Variants in NSRP1 observed in about 807,000 individuals in gnomAD.
NSRP1 encodes nuclear speckle splicing regulatory protein 1, also known as coiled-coil domain containing 55.
In NSRP1, 24 loss-of-function variants were observed where a neutral mutation model predicts 54.7. The ratio of observed to expected loss-of-function variants is 0.44; its 90% CI spans 0.32 to 0.62. The LOEUF (loss-of-function observed/expected upper bound fraction) is 0.62, where lower values mean the gene tolerates loss of function less well. Among genes scored for constraint, NSRP1 ranks in the 20% least tolerant of loss-of-function variants. The pLI is 0.06. For missense variants in NSRP1, 596 were observed against 651.2 expected, an observed-to-expected ratio of 0.92 and a Z score of 0.92; for synonymous variants, 210 against 213.8, an observed-to-expected ratio of 0.98 and a Z score of 0.15.
chr17:30,139,269 TC>T (rs2071781551), intron 2 of NSRP1, among the ~76,000 whole-genome samples: 3 of 152,128 alleles, frequency 2.0e-5, no homozygotes, highest in Admixed American at 2.0e-4. Context: ...TTGTAGGAGT[TC>T]TTTTTTCAGT....
At chr17:30,169,160 T>C (rs1240216495) in intron 2 of NSRP1, among the ~76,000 whole-genome samples, 1 of 152,100 alleles carries the variant, frequency 6.6e-6, no homozygotes, top group South Asian at 2.1e-4. Context: ...TTTCTCAGTC[T>C]GCTTATTCTA....
At chr17:30,117,424 C>A in intron 1 of NSRP1, 1 of 437,826 alleles carries the variant, frequency 2.3e-6, no homozygotes. Context: ...GTAATCCTTA[C>A]TTTTGATGCG....
intron 3 of NSRP1, among the ~76,000 whole-genome samples, chr17:30,177,374 T>TA (rs1168145196): frequency 8.7e-6 from 1 of 114,358 alleles, no homozygotes. Context: ...CCCCATCGCT[T>TA]TAAAAAAAAA....
rs533423877 is a variant in NSRP1 at position 30,182,602 on chromosome 17, A to T, written c.617+1586A>T. 2.0e-5 allele frequency among the ~76,000 whole-genome samples: 3 copies of T among 152,104 alleles called. No individual in the cohort carries two copies. In the East Asian group the frequency reaches 5.8e-4, roughly 29 times the overall value. On this transcript the variant is annotated intron_variant, in intron 6 of 6. Coordinates refer to ENST00000247026, the MANE Select transcript of NSRP1 (RefSeq NM_032141.4). ...GATTGCAGTGAGCTGAGATAGCGCC[A>T]CTGCACTCCAACCTGGCGACAGAGC...
At position 30,175,493 on chromosome 17, in the gene NSRP1, G is replaced by T. The variant is rs193289776; in HGVS notation, c.172-2578G>T. On this transcript the variant is annotated intron_variant, in intron 3 of 6. Transcript: ENST00000247026. ...TCTGTACCTAGGCTGGAGTGCAGCGGCACGATCTCAGCTCACTGCAACCTC... is the reference window on the plus strand; with the variant it reads ...TCTGTACCTAGGCTGGAGTGCAGCGTCACGATCTCAGCTCACTGCAACCTC... 1.0e-3 allele frequency among the ~76,000 whole-genome samples: 152 copies of T among 152,014 alleles called. 2 individuals carry two copies. In the Middle Eastern group the frequency reaches 0.01, roughly 10 times the overall value.
chr17:30,117,285 C>A, intron 1 of NSRP1: 1 of 586,508 alleles, frequency 1.7e-6, no homozygotes, highest in South Asian at 2.1e-5. Context: ...GATTCCCGCC[C>A]TTCCTTCTCG....
chr17:30,179,065 T>C, intron 4 of NSRP1, 25 bp from the exon 5 acceptor site: 1 of 1,376,270 alleles, frequency 7.3e-7, no homozygotes, highest in Non-Finnish European at 9.6e-7. Context: ...TTTACTCTTT[T>C]CCTAAATCTT....
chr17:30,184,563 C>T, intron 6 of NSRP1, 52 bp from the exon 7 acceptor site: 2 of 1,510,392 alleles, frequency 1.3e-6, no homozygotes, highest in Non-Finnish European at 1.8e-6. Context: ...TTGCTTATTA[C>T]AACTGATAAT....
chr17:30,153,888 C>G (rs2071936612), intron 2 of NSRP1, among the ~76,000 whole-genome samples: 1 of 152,144 alleles, frequency 6.6e-6, no homozygotes, highest in Non-Finnish European at 1.5e-5. Context: ...TGTTCTATAG[C>G]CACGTGTGAC....
At chr17:30,174,421 A>G (rs1396003589) in intron 3 of NSRP1, among the ~76,000 whole-genome samples, 1 of 152,200 alleles carries the variant, frequency 6.6e-6, no homozygotes, top group African/African-American at 2.4e-5. Flanking sequence ...TTTTCATTTT[A>G]CTATGAAGAA....
At chr17:30,178,543 C>T (rs1018557523) in intron 4 of NSRP1, among the ~76,000 whole-genome samples, 4 of 151,918 alleles carry the variant, frequency 2.6e-5, no homozygotes, top group African/African-American at 9.7e-5. Context: ...TCATTTCTTC[C>T]TAGCTGGTAA....
chr17:30,157,381 A>G (rs1904346969), intron 2 of NSRP1, among the ~76,000 whole-genome samples: 1 of 152,176 alleles, frequency 6.6e-6, no homozygotes, highest in Admixed American at 6.5e-5. Context: ...ACATGCAAAG[A>G]ATATGTAATG....
intron 1 of NSRP1, 26 bp downstream of exon 1, chr17:30,116,889 G>A (rs1288809968): frequency 1.9e-6 from 3 of 1,566,624 alleles, no homozygotes; most frequent in Admixed American, 1.9e-5. Context: ...GTTAGGGTCA[G>A]GCTGGGGGAT....
chr17:30,125,762 G>T (rs1158983799), intron 2 of NSRP1: 1 of 152,128 alleles, frequency 6.6e-6, no homozygotes, highest in African/African-American at 2.4e-5. Flanking sequence ...TGGCCAGGCT[G>T]GTCTTGAACT....
chr17:30,142,863 C>G (rs906670920), intron 2 of NSRP1, among the ~76,000 whole-genome samples: 3 of 152,260 alleles, frequency 2.0e-5, no homozygotes, highest in Middle Eastern at 6.8e-3. Context: ...TGGCCATTCA[C>G]TACGTACCAT....
At chr17:30,135,626 A>C (rs1331747022) in intron 2 of NSRP1, among the ~76,000 whole-genome samples, 1 of 151,672 alleles carries the variant, frequency 6.6e-6, no homozygotes, top group African/African-American at 2.4e-5. Context: ...GGCGCCCGCC[A>C]CCACGCCCAG....
intron 2 of NSRP1, among the ~76,000 whole-genome samples, chr17:30,148,545 G>T (rs1021631163): frequency 2.0e-5 from 3 of 152,208 alleles, no homozygotes; most frequent in African/African-American, 7.2e-5. Flanking sequence ...GGAAAAGCCT[G>T]GTTCAGAGTC....
At chr17:30,144,283 CAG>C (rs2071833346) in intron 2 of NSRP1, 1 of 145,840 alleles carries the variant, frequency 6.9e-6, no homozygotes, top group South Asian at 2.2e-4. Context: ...TTTTTTGAAG[CAG>C]AGTCTCACTC....
At chr17:30,130,401 C>G (rs561385735) in intron 2 of NSRP1, among the ~76,000 whole-genome samples, 1 of 152,160 alleles carries the variant, frequency 6.6e-6, no homozygotes, top group East Asian at 1.9e-4. Flanking sequence ...GCCCAGCGTC[C>G]ACTAGTCTTT....
Sources: gnomAD v4.1 joint callset for allele counts (sites outside exome capture counted in the v4.1 genomes callset) on GRCh38, gnomAD v4.1.1 for gene constraint, MANE v1.5 for transcripts, NCBI Gene and HGNC (gene_info 2026-07-23, HGNC 2026-07-21) for gene names.